The following YAP1 variants were observed in gnomAD, a reference collection of about 807,000 sequenced individuals.
YAP1 encodes transcriptional coactivator YAP1.
Under a neutral mutation model 56.9 loss-of-function variants are expected in YAP1, and 5 were observed. That is an observed-to-expected ratio of 0.09 (90% CI 0.05 to 0.18). The LOEUF (loss-of-function observed/expected upper bound fraction) is 0.18, where lower values mean the gene tolerates loss of function less well. YAP1 is among the 10% of genes least tolerant of loss of function. YAP1 has a pLI of 1.00. For missense variants in YAP1, 539 were observed against 651.8 expected (o/e 0.83, Z 1.88); for synonymous variants, 265 against 248.1 (o/e 1.07, Z -0.64).
At chr11:102,226,336 G>C (rs1033936548) in intron 7 of YAP1, among the ~76,000 whole-genome samples, 3 of 152,230 alleles carry the variant, frequency 2.0e-5, no homozygotes, top group African/African-American at 7.2e-5. Flanking sequence ...AGGGGAGAGA[G>C]AGAACAAGGC....
chr11:102,162,545 A>T lies in YAP1; in HGVS notation c.662A>T (p.Gln221Leu). ...NVTAPTSPPVQQNMMNSASGP... is the reference protein window; with the variant it reads ...NVTAPTSPPVLQNMMNSASGP... ...ACAGCCCCCACCAGTCCACCAGTGC[A>T]GCAGAATATGATGAACTCGGCTTCA... Residue 221 changes from glutamine to leucine, a missense_variant, in exon 3 of 9, where the codon CAG (glutamine) becomes CTG (leucine). Gln to Leu is a moderately radical substitution (Grantham distance 113). Coordinates refer to ENST00000282441, the MANE Select transcript of YAP1 (RefSeq NM_001130145.3). 6.2e-7 allele frequency: 1 copy of T among 1,614,228 alleles called. No individual in the cohort carries two copies. The highest frequency in any genetic ancestry group is 8.5e-7 in the Non-Finnish European group (1 of 1,180,024).
rs67023819 is a variant in YAP1 at position 102,161,053 on chromosome 11, CTTTTTTTTTTTT to C, written c.573-1389_573-1378del. Among the ~76,000 whole-genome samples the C allele has an allele frequency of 8.9e-3, 670 of 75,556 alleles. 6 individuals carry two copies. Among genetic ancestry groups the C allele is most frequent in the Admixed American group, 0.016 (86 of 5,268 alleles). The allele number at this position is 75,556 out of a possible 152,430, so 49.6% of individuals were successfully genotyped here. ...GGCCAGTGTCACCAATAATTTCTTT[CTTTTTTTTTTTT>C]TTTTTTTTTTTTTGAGATGGAATCT... On this transcript the variant is annotated intron_variant, in intron 2 of 8. Coordinates refer to ENST00000282441, the MANE Select transcript of YAP1 (RefSeq NM_001130145.3).
chr11:102,142,820 G>A (rs1045381908), intron 2 of YAP1, among the ~76,000 whole-genome samples: 6 of 152,120 alleles, frequency 3.9e-5, no homozygotes, highest in African/African-American at 7.2e-5. Context: ...ACCGTTTGTG[G>A]CTAATAAGAT....
chr11:102,164,394 A>C (rs758159567), intron 3 of YAP1, among the ~76,000 whole-genome samples: 2 of 152,128 alleles, frequency 1.3e-5, no homozygotes, highest in Admixed American at 6.5e-5. Context: ...CTTGGCAACT[A>C]TTATGTTTTT....
chr11:102,198,447 C>T (rs897649795), intron 4 of YAP1, among the ~76,000 whole-genome samples: 1 of 152,038 alleles, frequency 6.6e-6, no homozygotes, highest in South Asian at 2.1e-4. Flanking sequence ...TCATAAATAA[C>T]TTAATGTTAT....
chr11:102,170,966 CAAAAA>C (rs5794159), intron 3 of YAP1, among the ~76,000 whole-genome samples: 1 of 129,250 alleles, frequency 7.7e-6, no homozygotes, highest in Non-Finnish European at 1.7e-5. Flanking sequence ...GACTCTGTCT[CAAAAA>C]AAAAAAAAAG....
chr11:102,156,067 T>A (rs1234927207), intron 2 of YAP1, among the ~76,000 whole-genome samples: 1 of 152,188 alleles, frequency 6.6e-6, no homozygotes, highest in Non-Finnish European at 1.5e-5. Context: ...GTGCCTAGAC[T>A]GACAATTATA....
rs567923639 is a variant in YAP1 at position 102,212,743 on chromosome 11, G to A, written c.1032+3179G>A. On this transcript the variant is annotated intron_variant, in intron 6 of 8. Coordinates refer to ENST00000282441, the MANE Select transcript of YAP1 (RefSeq NM_001130145.3). ...ATTACAGGCATTCGCCACCATGCCCGGCTAATTTTGTGTTTTTGGTAGAGA... is the reference window on the plus strand; with the variant it reads ...ATTACAGGCATTCGCCACCATGCCCAGCTAATTTTGTGTTTTTGGTAGAGA... Among the ~76,000 whole-genome samples the A allele has an allele frequency of 3.0e-3, 458 of 152,006 alleles. 3 individuals carry two copies. Among genetic ancestry groups the A allele is most frequent in the African/African-American group, 0.011 (436 of 41,462 alleles).
chr11:102,172,460 C>CAT (rs1455658573), intron 3 of YAP1, among the ~76,000 whole-genome samples: 38 of 132,370 alleles, frequency 2.9e-4, no homozygotes, highest in Non-Finnish European at 1.3e-4. Context: ...TACAGGCATA[C>CAT]GGCACCATGC....
chr11:102,209,650 T>C, intron 6 of YAP1, 86 bp downstream of exon 6: 2 of 1,245,770 alleles, frequency 1.6e-6, no homozygotes, highest in Non-Finnish European at 2.2e-6. Flanking sequence ...TCCAGGGTCC[T>C]GTCCTTATTG....
intron 6 of YAP1, among the ~76,000 whole-genome samples, chr11:102,212,665 A>G (rs1471220661): frequency 6.6e-6 from 1 of 151,836 alleles, no homozygotes; most frequent in African/African-American, 2.4e-5. Context: ...GCTCACCGCA[A>G]CCTCTGCCTC....
intron 2 of YAP1, among the ~76,000 whole-genome samples, chr11:102,155,364 A>G (rs529912242): frequency 6.6e-6 from 1 of 152,314 alleles, no homozygotes; most frequent in South Asian, 2.1e-4. Flanking sequence ...TACATTACGT[A>G]TAGAATATGT....
chr11:102,215,545 G>T (rs1289869302), intron 6 of YAP1, among the ~76,000 whole-genome samples: 1 of 152,152 alleles, frequency 6.6e-6, no homozygotes, highest in African/African-American at 2.4e-5. Context: ...CACGATCTCG[G>T]CTCACTGCAA....
intron 3 of YAP1, among the ~76,000 whole-genome samples, chr11:102,177,810 G>C (rs1947351023): frequency 1.3e-5 from 2 of 152,230 alleles, no homozygotes; most frequent in South Asian, 4.1e-4. Context: ...AGAAAGACTA[G>C]TATTGACCCT....
intron 2 of YAP1, among the ~76,000 whole-genome samples, chr11:102,115,459 A>G (rs191289237): frequency 3.9e-5 from 6 of 152,254 alleles, no homozygotes; most frequent in Admixed American, 3.9e-4. Flanking sequence ...ATTGTCTTCC[A>G]GGGTGGGTTG....
At chr11:102,197,714 AT>A (rs1161577983) in intron 4 of YAP1, among the ~76,000 whole-genome samples, 1 of 152,172 alleles carries the variant, frequency 6.6e-6, no homozygotes, top group African/African-American at 2.4e-5. Flanking sequence ...AAATTCTGAC[AT>A]TTTGTGGGGT....
intron 2 of YAP1, among the ~76,000 whole-genome samples, chr11:102,147,363 A>G (rs1591228241): frequency 6.6e-6 from 1 of 152,184 alleles, no homozygotes; most frequent in Non-Finnish European, 1.5e-5. Flanking sequence ...GAAGAGATAA[A>G]CATATTATAG....
chr11:102,188,176 A>G (rs972430732), intron 4 of YAP1, among the ~76,000 whole-genome samples: 2 of 152,254 alleles, frequency 1.3e-5, no homozygotes, highest in African/African-American at 4.8e-5. Context: ...AATATAAACT[A>G]TCCCCTTGTT....
intron 2 of YAP1, among the ~76,000 whole-genome samples, chr11:102,158,206 A>G (rs569569316): frequency 2.6e-5 from 4 of 152,358 alleles, no homozygotes; most frequent in Admixed American, 2.6e-4. Context: ...GACAAAAGAT[A>G]CAATATAGTT....
Sources: allele counts gnomAD v4.1 joint callset (sites outside exome capture counted in the v4.1 genomes callset), GRCh38; gene constraint gnomAD v4.1.1; transcripts MANE v1.5; gene names NCBI Gene and HGNC (gene_info 2026-07-23, HGNC 2026-07-21).